C2orf78: variants seen among roughly 807,000 people sequenced by gnomAD.
C2orf78 encodes uncharacterized protein C2orf78.
In C2orf78, 12 loss-of-function variants were observed where a neutral mutation model predicts 21.4. The ratio of observed to expected loss-of-function variants is 0.56; its 90% CI spans 0.36 to 0.91. The LOEUF (loss-of-function observed/expected upper bound fraction) is 0.91. Among genes scored for constraint, C2orf78 ranks in the 40% least tolerant of loss-of-function variants. The pLI, the probability that C2orf78 is intolerant of heterozygous loss-of-function variation, is 0.01. For synonymous variants in C2orf78, 396 were observed against 413.9 expected (o/e 0.96, Z 0.52); for missense variants, 1,042 against 1,092.4 (o/e 0.95, Z 0.65).
At chr2:73,815,072 G>C in exon 3 of C2orf78, 4 of 1,607,990 alleles carry the variant, frequency 2.5e-6, no homozygotes, top group Non-Finnish European at 3.4e-6. Context: ...CCTTTGTAGT[G>C]ATGGAAACTT....
intron 1 of C2orf78, among the ~76,000 whole-genome samples, chr2:73,810,069 A>C (rs1277148316): frequency 6.6e-6 from 1 of 152,160 alleles, no homozygotes; most frequent in Non-Finnish European, 1.5e-5. Context: ...GAGCAAAATG[A>C]AGTTGGTTTT....
chr2:73,810,652 ATATC>A, intron 1 of C2orf78, among the ~76,000 whole-genome samples: 1 of 134,414 alleles, frequency 7.4e-6, no homozygotes, highest in African/African-American at 2.9e-5. Context: ...TTTTATGTAT[ATATC>A]TATAATATAT....
At chr2:73,816,483 C>T (rs1279495242) in exon 3 of C2orf78, 17 of 1,613,840 alleles carry the variant, frequency 1.1e-5, no homozygotes, top group East Asian at 2.2e-5. Flanking sequence ...CCCTGCTCGA[C>T]CTGATTCTAC....
At chr2:73,784,921 G>C (rs1004590460) in intron 1 of C2orf78, among the ~76,000 whole-genome samples, 5 of 150,962 alleles carry the variant, frequency 3.3e-5, no homozygotes, top group Admixed American at 2.6e-4. Flanking sequence ...TCAGCACTTT[G>C]GGAGGCCATC....
At position 73,814,974 on chromosome 2, in the gene C2orf78, C is replaced by T; in HGVS notation, c.848-97C>T. ...TCCTTAAGAAGAGCTAGTAGAAATG[C>T]CTTGCCCATGTTGGAAAGGTATCCG... On this transcript the variant is annotated intron_variant, in intron 2 of 2. Coordinates refer to ENST00000409561, the Ensembl canonical transcript of C2orf78. The T allele has an allele frequency of 5.0e-6, 6 of 1,210,790 alleles. No individual in the cohort carries two copies. In the South Asian group the frequency reaches 8.9e-5, roughly 18 times the overall value. 75.0% of individuals were successfully genotyped at this position (1,210,790 alleles called of 1,614,324 possible).
At chr2:73,809,228 T>C (rs1259705070) in intron 1 of C2orf78, among the ~76,000 whole-genome samples, 1 of 152,122 alleles carries the variant, frequency 6.6e-6, no homozygotes, top group Non-Finnish European at 1.5e-5. Context: ...GAGTGTTCAT[T>C]TCAACAGAAA....
At chr2:73,810,002 T>C (rs1397708754) in intron 1 of C2orf78, among the ~76,000 whole-genome samples, 4 of 151,730 alleles carry the variant, frequency 2.6e-5, no homozygotes, top group Non-Finnish European at 4.4e-5. Flanking sequence ...TAAAAAAATA[T>C]ATTTTAAATT....
chr2:73,807,981 T>A lies in C2orf78; in HGVS notation c.98-5496T>A, dbSNP rs184837279. Reference sequence around the variant, plus strand: ...CCTTAAAATCGGCAGTAGGGCCGGGTGCGGTGGCTCCCGCCTGTAATCCCA... The same window carrying A: ...CCTTAAAATCGGCAGTAGGGCCGGGAGCGGTGGCTCCCGCCTGTAATCCCA... On this transcript the variant is annotated intron_variant, in intron 1 of 2. Transcript: ENST00000409561. Among the ~76,000 whole-genome samples, 476 of 151,046 alleles carry A rather than the reference T, an allele frequency of 3.2e-3. 32 individuals are homozygous for A. The highest frequency in any genetic ancestry group is 0.011 in the African/African-American group (461 of 40,566).
chr2:73,785,969 C>A (rs1012839219), intron 1 of C2orf78, among the ~76,000 whole-genome samples: 1 of 151,840 alleles, frequency 6.6e-6, no homozygotes, highest in Non-Finnish European at 1.5e-5. Context: ...TCACTTGAAC[C>A]CGAGAGGCAA....
chr2:73,811,226 G>A (rs1398809033), intron 1 of C2orf78, among the ~76,000 whole-genome samples: 1 of 151,754 alleles, frequency 6.6e-6, no homozygotes, highest in Non-Finnish European at 1.5e-5. Flanking sequence ...GGGAGGCAGA[G>A]GTTGCAGTGA....
At chr2:73,813,193 G>C (rs1224036721) in intron 1 of C2orf78, among the ~76,000 whole-genome samples, 1 of 152,180 alleles carries the variant, frequency 6.6e-6, no homozygotes, top group East Asian at 1.9e-4. Flanking sequence ...GGGAAAGATA[G>C]GGAAGGGAGA....
intron 1 of C2orf78, among the ~76,000 whole-genome samples, chr2:73,807,811 A>T (rs905510293): frequency 1.4e-5 from 2 of 146,424 alleles, no homozygotes; most frequent in South Asian, 4.5e-4. Context: ...TCCAAGTCCA[A>T]CCTGGCCCAG....
intron 1 of C2orf78, among the ~76,000 whole-genome samples, chr2:73,785,504 TA>T (rs1301486969): frequency 7.1e-6 from 1 of 140,036 alleles, no homozygotes; most frequent in Non-Finnish European, 1.5e-5. Flanking sequence ...AAAATGATTT[TA>T]AAAGAAAAAA....
At chr2:73,815,655 A>G in exon 3 of C2orf78, 4 of 1,614,030 alleles carry the variant, frequency 2.5e-6, no homozygotes, top group Non-Finnish European at 3.4e-6. Flanking sequence ...CAAAGATACC[A>G]GTGCCATCAA....
exon 3 of C2orf78, chr2:73,815,200 A>T (rs563898795): frequency 6.2e-7 from 1 of 1,613,970 alleles, no homozygotes; most frequent in East Asian, 2.2e-5. Flanking sequence ...CTTGAGAGTA[A>T]CCCATCACCT....
At chr2:73,809,150 C>A (rs569578011) in intron 1 of C2orf78, among the ~76,000 whole-genome samples, 5 of 152,066 alleles carry the variant, frequency 3.3e-5, no homozygotes, top group African/African-American at 4.8e-5. Flanking sequence ...TTCCCCCTGG[C>A]CTTTTTCTTT....
chr2:73,816,900 G>A (rs1558544140), exon 3 of C2orf78: 1 of 1,613,664 alleles, frequency 6.2e-7, no homozygotes, highest in Non-Finnish European at 8.5e-7. Flanking sequence ...GCGTGAGAAT[G>A]CTGCCAAATA....
chr2:73,815,223 A>G, exon 3 of C2orf78: 1 of 1,613,958 alleles, frequency 6.2e-7, no homozygotes, highest in Non-Finnish European at 8.5e-7. Flanking sequence ...GCTTGGGGAC[A>G]TTTCAATAAC....
At chr2:73,784,567 C>T (rs1672886513) in intron 1 of C2orf78, among the ~76,000 whole-genome samples, 161 bp downstream of exon 1, 2 of 151,356 alleles carry the variant, frequency 1.3e-5, no homozygotes, top group African/African-American at 2.5e-5. Flanking sequence ...CATTTACTAG[C>T]TGTGTGACTT....
Sources: gnomAD v4.1 joint callset for allele counts (sites outside exome capture counted in the v4.1 genomes callset) on GRCh38, gnomAD v4.1.1 for gene constraint, MANE v1.5 for transcripts, NCBI Gene and HGNC (gene_info 2026-07-23, HGNC 2026-07-21) for gene names.